Variants in PDHX observed in about 807,000 individuals in gnomAD.
PDHX encodes pyruvate dehydrogenase complex component X.
Under a neutral mutation model 55.3 loss-of-function variants are expected in PDHX, and 33 were observed. The observed-to-expected ratio is 0.60, with a 90% CI of 0.45 to 0.80. PDHX has a LOEUF of 0.80. Ranked by LOEUF, PDHX falls within the 30% of genes least tolerant of loss-of-function variation. PDHX has a pLI of 0.00. For synonymous variants in PDHX, 226 were observed against 219.4 expected, an observed-to-expected ratio of 1.03 and a Z score of -0.27; for missense variants, 622 against 619.9, an observed-to-expected ratio of 1.00 and a Z score of -0.04.
chr11:34,957,658 T>C, intron 4 of PDHX, 75 bp downstream of exon 4: 1 of 1,168,968 alleles, frequency 8.6e-7, no homozygotes, highest in Non-Finnish European at 1.3e-6. Context: ...GTAATCATTA[T>C]CATATTCGCA....
chr11:34,957,336 C>T, intron 3 of PDHX, 48 bp from the exon 4 acceptor site: 2 of 1,202,936 alleles, frequency 1.7e-6, no homozygotes, highest in South Asian at 1.2e-5. Context: ...CTACTTAATG[C>T]AGTCATGGGG....
rs141914381 is a variant in PDHX at position 34,925,719 on chromosome 11, A to G, written c.161-5685A>G. On this transcript the variant is annotated intron_variant, in intron 1 of 10. Coordinates refer to ENST00000227868, the MANE Select transcript of PDHX (RefSeq NM_003477.3). ...TTGTATGTGTACAAGCTGGGCAGGT[A>G]GTAATTGGATGATGCCATATACAGG... is the stretch of plus-strand genomic sequence containing the variant. Among the ~76,000 whole-genome samples, 1,166 of 152,322 alleles carry G rather than the reference A, an allele frequency of 7.7e-3. 14 individuals are homozygous for G. The highest frequency in any genetic ancestry group is 0.012 in the Non-Finnish European group (807 of 68,020).
At chr11:34,962,973 C>A (rs1855051453) in intron 5 of PDHX, among the ~76,000 whole-genome samples, 1 of 152,086 alleles carries the variant, frequency 6.6e-6, no homozygotes, top group Non-Finnish European at 1.5e-5. Context: ...TACCCTGTTA[C>A]CCTTTTCTCT....
At chr11:34,925,720 G>A (rs1449719404) in intron 1 of PDHX, among the ~76,000 whole-genome samples, 3 of 152,140 alleles carry the variant, frequency 2.0e-5, no homozygotes, top group Non-Finnish European at 4.4e-5. Flanking sequence ...TGGGCAGGTA[G>A]TAATTGGATG....
intron 9 of PDHX, among the ~76,000 whole-genome samples, chr11:34,986,508 A>G (rs1440301329): frequency 6.6e-6 from 1 of 152,190 alleles, no homozygotes; most frequent in Non-Finnish European, 1.5e-5. Flanking sequence ...ATAAAGTACT[A>G]TTATAATGTT....
intron 1 of PDHX, among the ~76,000 whole-genome samples, chr11:34,920,203 TGTG>T (rs1455092226): frequency 6.6e-6 from 1 of 152,210 alleles, no homozygotes; most frequent in Non-Finnish European, 1.5e-5. Flanking sequence ...GAGTTTAAAT[TGTG>T]GTCCTTTCAG....
chr11:34,986,108 C>G (rs1044979284), intron 9 of PDHX, among the ~76,000 whole-genome samples: 1 of 152,096 alleles, frequency 6.6e-6, no homozygotes. Context: ...AATTTGAGAC[C>G]AGCCTGGCCA....
At chr11:34,932,916 C>T (rs1342919479) in intron 2 of PDHX, among the ~76,000 whole-genome samples, 1 of 152,048 alleles carries the variant, frequency 6.6e-6, no homozygotes, top group Non-Finnish European at 1.5e-5. Context: ...AGGAATATCT[C>T]TTTATACTGC....
At chr11:34,961,623 C>G (rs1282663452) in intron 5 of PDHX, among the ~76,000 whole-genome samples, 3 of 152,152 alleles carry the variant, frequency 2.0e-5, no homozygotes, top group African/African-American at 7.2e-5. Context: ...GGTTATTTTA[C>G]TCTTCATGAA....
At chr11:34,929,609 C>T (rs1166805424) in intron 1 of PDHX, among the ~76,000 whole-genome samples, 1 of 152,172 alleles carries the variant, frequency 6.6e-6, no homozygotes, top group Non-Finnish European at 1.5e-5. Flanking sequence ...ATTTGGATTT[C>T]TGAGTGAATA....
intron 2 of PDHX, among the ~76,000 whole-genome samples, chr11:34,937,301 TTA>T (rs145172363): frequency 0.16 from 24,432 of 151,988 alleles, 2,648 homozygotes; most frequent in Non-Finnish European, 0.25. Context: ...GGATATAATA[TTA>T]TAAGTAAATC....
At chr11:34,990,092 G>C (rs550811428) in intron 9 of PDHX, among the ~76,000 whole-genome samples, 2 of 152,294 alleles carry the variant, frequency 1.3e-5, no homozygotes, top group South Asian at 4.1e-4. Context: ...CCCCAGCCAA[G>C]TTCAAGTTGG....
At chr11:34,967,097 C>A (rs1156265862) in intron 6 of PDHX, among the ~76,000 whole-genome samples, 1 of 152,102 alleles carries the variant, frequency 6.6e-6, no homozygotes, top group Non-Finnish European at 1.5e-5. Flanking sequence ...GGTGATCCAC[C>A]CGCCTTGGCC....
upstream of PDHX, chr11:34,916,459 T>TCCAGCGGCGCACCTGA (rs1176892497): frequency 2.1e-6 from 3 of 1,461,808 alleles, no homozygotes; most frequent in African/African-American, 4.3e-5. Flanking sequence ...GGCTGAGATA[T>TCCAGCGGCGCACCTGA]CCAGCGGCGC....
chr11:34,969,553 A>G (rs1855211062), intron 6 of PDHX, among the ~76,000 whole-genome samples: 1 of 152,028 alleles, frequency 6.6e-6, no homozygotes, highest in South Asian at 2.1e-4. Flanking sequence ...CATGTTGGCC[A>G]AGCTGGTCTT....
At chr11:34,931,536 G>GTTTTTTTTTT (rs368865759) in intron 2 of PDHX, 52 bp downstream of exon 2, 6 of 877,654 alleles carry the variant, frequency 6.8e-6, no homozygotes, top group East Asian at 2.9e-5. Flanking sequence ...TGGTTATTTT[G>GTTTTTTTTTT]TTTTGTTTTT....
chr11:34,938,321 A>G (rs139449779), intron 2 of PDHX, among the ~76,000 whole-genome samples: 93 of 152,348 alleles, frequency 6.1e-4, no homozygotes, highest in African/African-American at 2.1e-3. Context: ...AAAGAAAAAC[A>G]TGGCAGAGAA....
chr11:34,916,090 G>A, upstream of PDHX: 2 of 1,136,626 alleles, frequency 1.8e-6, no homozygotes, highest in Non-Finnish European at 2.4e-6. Flanking sequence ...CGGTGCGCCG[G>A]GGTAGCGAAC....
Position 34,970,221 on chromosome 11 carries a change from A to T in PDHX, c.899A>T (p.His300Leu). 1.2e-6 allele frequency: 2 copies of T among 1,612,822 alleles called. No individual in the cohort carries two copies. Among genetic ancestry groups the T allele is most frequent in the Non-Finnish European group, 1.7e-6 (2 of 1,178,800 alleles). The change falls in exon 7 of 11, where the codon CAT (histidine) becomes CTT (leucine). Residue 300 changes from histidine (H) to leucine (L), a missense_variant. Coordinates refer to ENST00000227868, the MANE Select transcript of PDHX (RefSeq NM_003477.3). ...RLTESKSTVP[H>L]AYATADCDLG... ...ACTGAATCTAAAAGTACTGTACCTCATGCATATGCTACTGCTGACTGTGAC... is the reference window on the plus strand; with the variant it reads ...ACTGAATCTAAAAGTACTGTACCTCTTGCATATGCTACTGCTGACTGTGAC...
Sources: allele counts gnomAD v4.1 joint callset (sites outside exome capture counted in the v4.1 genomes callset), GRCh38; gene constraint gnomAD v4.1.1; transcripts MANE v1.5; gene names NCBI Gene and HGNC (gene_info 2026-07-23, HGNC 2026-07-21).